Variants in SENP7 observed in about 807,000 individuals in gnomAD.
SENP7 encodes sentrin-specific protease 7.
A neutral mutation model predicts 141.2 loss-of-function variants in SENP7; 64 were observed. The observed-to-expected ratio is 0.45, with a 90% confidence interval of 0.37 to 0.56. The LOEUF is 0.56. Ranked by LOEUF, SENP7 falls within the 20% of genes least tolerant of loss-of-function variation. SENP7 has a pLI of 0.00. For synonymous variants in SENP7, 382 were observed against 426.4 expected, an observed-to-expected ratio of 0.90 and a Z score of 1.28; for missense variants, 1,025 against 1,212.2, an observed-to-expected ratio of 0.85 and a Z score of 2.29.
chr3:101,483,123 G>T (rs1349584458), intron 3 of SENP7, among the ~76,000 whole-genome samples: 2 of 152,070 alleles, frequency 1.3e-5, no homozygotes, highest in African/African-American at 4.8e-5. Flanking sequence ...AAATCATTCT[G>T]CCAAAAAGAC....
At chr3:101,337,894 C>T (rs554482296) in intron 16 of SENP7, among the ~76,000 whole-genome samples, 1 of 152,202 alleles carries the variant, frequency 6.6e-6, no homozygotes, top group South Asian at 2.1e-4. Flanking sequence ...GTGGCTCACG[C>T]CTGTAATCCA....
intron 1 of SENP7, among the ~76,000 whole-genome samples, chr3:101,501,703 G>A (rs1179345862): frequency 6.6e-6 from 1 of 152,138 alleles, no homozygotes; most frequent in East Asian, 1.9e-4. Context: ...GCCTGACACT[G>A]TGCTAGGCAA....
Position 101,463,372 on chromosome 3 carries a change from TATATATATATATATATATATATATAC to T in SENP7, c.187-4346_187-4321del, listed in dbSNP as rs1315230387. On this transcript the variant is annotated intron_variant, in intron 3 of 23. Coordinates refer to ENST00000394095, the MANE Select transcript of SENP7 (RefSeq NM_020654.5). ...TCATAAATAAATAAATAAATATATA[TATATATATATATATATATATATATAC>T]ATATATATATATATATATACACACA... is the stretch of plus-strand genomic sequence containing the variant. 4.6e-4 allele frequency among the ~76,000 whole-genome samples: 39 copies of T among 84,514 alleles called. 1 individual carries two copies. The highest frequency in any genetic ancestry group is 9.0e-4 in the Admixed American group (7 of 7,812). 55.4% of individuals were successfully genotyped at this position (84,514 alleles called of 152,430 possible). A position where few individuals can be genotyped will look rare whatever the true frequency, so the allele number is the denominator to read the frequency against.
chr3:101,417,405 T>TAA (rs767490453), intron 5 of SENP7, among the ~76,000 whole-genome samples, 188 bp downstream of exon 5: 29 of 152,326 alleles, frequency 1.9e-4, no homozygotes, highest in Admixed American at 4.6e-4. Context: ...ATCTGCTTAA[T>TAA]GAAGTACAGA....
intron 4 of SENP7, among the ~76,000 whole-genome samples, chr3:101,437,353 A>C (rs1433286175): frequency 3.9e-5 from 6 of 152,186 alleles, no homozygotes; most frequent in African/African-American, 1.4e-4. Context: ...TATATTTTTA[A>C]ATACCTTAAC....
intron 10 of SENP7, among the ~76,000 whole-genome samples, chr3:101,362,093 C>T (rs768382512): frequency 2.6e-5 from 4 of 152,090 alleles, no homozygotes; most frequent in Non-Finnish European, 5.9e-5. Flanking sequence ...ATTCCACAGC[C>T]TAAGCTCCAG....
chr3:101,463,985 C>A (rs1399418425), intron 3 of SENP7, among the ~76,000 whole-genome samples: 3 of 152,000 alleles, frequency 2.0e-5, no homozygotes, highest in African/African-American at 4.8e-5. Flanking sequence ...CTACCATGCC[C>A]AGCTAATTTT....
intron 3 of SENP7, among the ~76,000 whole-genome samples, chr3:101,465,863 T>C (rs1024863211): frequency 1.3e-5 from 2 of 152,088 alleles, no homozygotes; most frequent in Non-Finnish European, 2.9e-5. Context: ...AGAAACTAAG[T>C]GAGATATTTT....
Position 101,380,445 on chromosome 3 carries a change from C to CCACACA in SENP7, c.678-8325_678-8320dup, listed in dbSNP as rs1553707805. On this transcript the variant is annotated intron_variant, in intron 6 of 23. Coordinates refer to ENST00000394095, the MANE Select transcript of SENP7 (RefSeq NM_020654.5). Reference sequence around the variant, plus strand: ...GTAAAGCAAACCACCGCCCCCCCCCCCACACACACACACAAAACAAAACAT... The same window carrying CCACACA: ...GTAAAGCAAACCACCGCCCCCCCCCCCACACACACACACACACACAAAACAAAACAT... Among the ~76,000 whole-genome samples, 987 of 128,824 alleles carry CCACACA rather than the reference C, an allele frequency of 7.7e-3. 21 individuals are homozygous for CCACACA. Among genetic ancestry groups the CCACACA allele is most frequent in the East Asian group, 0.028 (115 of 4,158 alleles). The allele number at this position is 128,824 out of a possible 152,430, so 84.5% of individuals were successfully genotyped here.
At chr3:101,397,021 T>G (rs1382513096) in intron 6 of SENP7, among the ~76,000 whole-genome samples, 3 of 152,104 alleles carry the variant, frequency 2.0e-5, no homozygotes, top group Non-Finnish European at 4.4e-5. Flanking sequence ...TTTTGTATTT[T>G]CGGTAGAGAC....
chr3:101,357,710 C>T (rs774069603), intron 11 of SENP7: 4 of 689,592 alleles, frequency 5.8e-6, no homozygotes, highest in Non-Finnish European at 1.1e-5. Flanking sequence ...GAAAGTCTCT[C>T]ATAAATTTTC....
At chr3:101,371,814 G>T (rs1018814313) in intron 7 of SENP7, among the ~76,000 whole-genome samples, 194 bp downstream of exon 7, 1 of 152,122 alleles carries the variant, frequency 6.6e-6, no homozygotes, top group African/African-American at 2.4e-5. Flanking sequence ...TTTGGGATTA[G>T]TAAATAAATC....
chr3:101,369,981 G>A (rs183489154), intron 7 of SENP7, among the ~76,000 whole-genome samples: 14 of 151,968 alleles, frequency 9.2e-5, no homozygotes, highest in Admixed American at 4.6e-4. Flanking sequence ...ATGTGCTATG[G>A]AAAAAAATGG....
intron 11 of SENP7, 29 bp from the exon 12 acceptor site, chr3:101,351,680 G>T: frequency 1.5e-6 from 2 of 1,314,862 alleles, no homozygotes; most frequent in South Asian, 2.3e-5. Flanking sequence ...AGCAAACAAT[G>T]AGTTACCACT....
chr3:101,466,961 A>T (rs1485537546), intron 3 of SENP7, among the ~76,000 whole-genome samples: 1 of 152,114 alleles, frequency 6.6e-6, no homozygotes, highest in African/African-American at 2.4e-5. Context: ...TACGTGGAAA[A>T]ATGGGACAGT....
At chr3:101,501,693 G>A (rs551805775) in intron 1 of SENP7, among the ~76,000 whole-genome samples, 67 of 152,230 alleles carry the variant, frequency 4.4e-4, no homozygotes, top group Middle Eastern at 3.4e-3. Flanking sequence ...TCTATTATGT[G>A]CCTGACACTG....
At chr3:101,443,422 T>G (rs1056938162) in intron 4 of SENP7, among the ~76,000 whole-genome samples, 4 of 148,448 alleles carry the variant, frequency 2.7e-5, no homozygotes, top group Non-Finnish European at 6.0e-5. Context: ...AGGATTGATT[T>G]GGCGATGCGG....
chr3:101,357,036 T>C (rs2059762600), intron 11 of SENP7, among the ~76,000 whole-genome samples: 1 of 152,088 alleles, frequency 6.6e-6, no homozygotes, highest in Non-Finnish European at 1.5e-5. Flanking sequence ...AGTTTCGCTG[T>C]GTCACCCAGG....
intron 11 of SENP7, among the ~76,000 whole-genome samples, chr3:101,356,312 AAG>A (rs147884157): frequency 0.32 from 48,104 of 151,868 alleles, 8,090 homozygotes; most frequent in Non-Finnish European, 0.38. Flanking sequence ...ACTAATAAAA[AAG>A]AATTTCTAAT....
Sources: gnomAD v4.1 joint callset for allele counts (sites outside exome capture counted in the v4.1 genomes callset) on GRCh38, gnomAD v4.1.1 for gene constraint, MANE v1.5 for transcripts, NCBI Gene and HGNC (gene_info 2026-07-23, HGNC 2026-07-21) for gene names.